SMYD3: variants seen among roughly 807,000 people sequenced by gnomAD.
SMYD3 encodes the protein histone-lysine N-methyltransferase SMYD3.
A neutral mutation model predicts 57.7 loss-of-function variants in SMYD3; 36 were observed. That is an observed-to-expected ratio of 0.62 (90% confidence interval 0.48 to 0.82). The LOEUF (loss-of-function observed/expected upper bound fraction) is 0.82, where lower values mean the gene tolerates loss of function less well. Ranked by LOEUF, SMYD3 falls within the 40% of genes least tolerant of loss-of-function variation. SMYD3 has a pLI of 0.00. For synonymous variants in SMYD3, 211 were observed against 195.0 expected, an observed-to-expected ratio of 1.08 and a Z score of -0.68; for missense variants, 515 against 538.8, an observed-to-expected ratio of 0.96 and a Z score of 0.44.
chr1:246,168,406 T>G (rs2062260141), intron 5 of SMYD3, among the ~76,000 whole-genome samples: 1 of 152,114 alleles, frequency 6.6e-6, no homozygotes, highest in African/African-American at 2.4e-5. Context: ...GGCCCCATAA[T>G]GAAAAGCACT....
chr1:246,001,061 T>G (rs1266586223), intron 5 of SMYD3, among the ~76,000 whole-genome samples: 1 of 152,170 alleles, frequency 6.6e-6, no homozygotes, highest in African/African-American at 2.4e-5. Context: ...TCTTACGAAA[T>G]GAGGCCGCTG....
chr1:245,808,983 G>A (rs1272397468), intron 10 of SMYD3, among the ~76,000 whole-genome samples: 1 of 152,090 alleles, frequency 6.6e-6, no homozygotes, highest in Admixed American at 6.6e-5. Context: ...GGCTGGTCTT[G>A]GACTCCTGAC....
chr1:246,378,232 G>A (rs574897965), intron 1 of SMYD3, among the ~76,000 whole-genome samples: 16 of 152,214 alleles, frequency 1.1e-4, no homozygotes, highest in African/African-American at 2.6e-4. Context: ...CTAGTGCCAC[G>A]TGGCCTGGAA....
intron 1 of SMYD3, among the ~76,000 whole-genome samples, chr1:246,450,849 C>T (rs539450866): frequency 5.3e-4 from 80 of 152,186 alleles, no homozygotes; most frequent in South Asian, 2.1e-3. Context: ...TTAATATAAA[C>T]GTATTTAAAT....
intron 1 of SMYD3, among the ~76,000 whole-genome samples, chr1:246,465,632 G>C (rs1389648925): frequency 2.6e-5 from 4 of 152,222 alleles, no homozygotes; most frequent in Middle Eastern, 6.8e-3. Context: ...AGGAGTACCA[G>C]ACCAGCACCA....
At chr1:246,134,903 TAC>T (rs2148082187) in intron 5 of SMYD3, among the ~76,000 whole-genome samples, 1 of 150,590 alleles carries the variant, frequency 6.6e-6, no homozygotes, top group South Asian at 2.1e-4. Flanking sequence ...AAACTAAAAT[TAC>T]ATCCCCAAGA....
At position 246,083,318 on chromosome 1, in the gene SMYD3, G is replaced by A. The variant is rs554730261; in HGVS notation, c.532-153381C>T. ...GCAATACTGCTCTTTAAGGCATTGA[G>A]ATGTTTATGTATATGCACATCAAAA... On this transcript the variant is annotated intron_variant, in intron 5 of 11. Transcript: ENST00000490107. 2.0e-4 allele frequency among the ~76,000 whole-genome samples: 31 copies of A among 152,288 alleles called. No homozygotes were observed. The East Asian group carries it at 5.0e-3, about 25-fold the overall frequency.
chr1:245,978,853 A>G (rs1054882401), intron 5 of SMYD3, among the ~76,000 whole-genome samples: 2 of 152,182 alleles, frequency 1.3e-5, no homozygotes, highest in African/African-American at 2.4e-5. Context: ...ATGGGGCTCA[A>G]TACTGAGAAG....
intron 10 of SMYD3, among the ~76,000 whole-genome samples, chr1:245,825,188 A>G (rs1169581143): frequency 4.0e-5 from 6 of 151,874 alleles, no homozygotes; most frequent in Admixed American, 2.0e-4. Flanking sequence ...AAATTCCACC[A>G]CCTCTCCCTG....
intron 8 of SMYD3, among the ~76,000 whole-genome samples, chr1:245,887,079 T>G (rs2053128162): frequency 6.6e-6 from 1 of 152,156 alleles, no homozygotes; most frequent in African/African-American, 2.4e-5. Context: ...TAAGACCTAC[T>G]GGGTGGCATT....
At chr1:245,929,233 A>G (rs1290860859) in intron 6 of SMYD3, among the ~76,000 whole-genome samples, 3 of 152,226 alleles carry the variant, frequency 2.0e-5, no homozygotes, top group Non-Finnish European at 4.4e-5. Context: ...AGTTAATGAC[A>G]ATTGTGAGAA....
At chr1:246,258,005 T>C (rs1238008644) in intron 5 of SMYD3, among the ~76,000 whole-genome samples, 1 of 152,168 alleles carries the variant, frequency 6.6e-6, no homozygotes, top group East Asian at 1.9e-4. Flanking sequence ...ATAAGTCAAT[T>C]GAACTTTTCT....
intron 10 of SMYD3, among the ~76,000 whole-genome samples, chr1:245,768,466 T>C (rs1406741689): frequency 1.3e-5 from 2 of 152,220 alleles, no homozygotes; most frequent in East Asian, 3.8e-4. Context: ...TGATCTCTAT[T>C]GGTCCTACGT....
intron 2 of SMYD3, among the ~76,000 whole-genome samples, chr1:246,338,303 T>G (rs1572396296): frequency 6.6e-6 from 1 of 152,254 alleles, no homozygotes. Context: ...GAAATCTTTT[T>G]ACGCAGCTCC....
At position 246,033,688 on chromosome 1, in the gene SMYD3, G is replaced by C. The variant is rs1178510244; in HGVS notation, c.532-103751C>G. ...TGTAATCTCACCTACTCGTGAGGCT[G>C]AGGCACGAGAATCGCTTGAACCCAG... is the stretch of plus-strand genomic sequence containing the variant. On this transcript the variant is annotated intron_variant, in intron 5 of 11. Transcript: ENST00000490107. Among the ~76,000 whole-genome samples the C allele has an allele frequency of 4.6e-5, 7 of 152,300 alleles. No individual in the cohort carries two copies. In the South Asian group the frequency reaches 1.4e-3, roughly 32 times the overall value.
chr1:246,437,840 A>G (rs922619339), intron 1 of SMYD3, among the ~76,000 whole-genome samples: 4 of 152,232 alleles, frequency 2.6e-5, no homozygotes, highest in East Asian at 1.9e-4. Flanking sequence ...CTGAAATGCA[A>G]TAATGCATGT....
intron 10 of SMYD3, among the ~76,000 whole-genome samples, chr1:245,775,701 T>C (rs1476928796): frequency 7.3e-6 from 1 of 137,512 alleles, no homozygotes; most frequent in African/African-American, 2.7e-5. Flanking sequence ...CACCCAAGAA[T>C]GATCAATAAA....
At chr1:246,220,257 G>A (rs1198573665) in intron 5 of SMYD3, among the ~76,000 whole-genome samples, 2 of 151,968 alleles carry the variant, frequency 1.3e-5, no homozygotes, top group Non-Finnish European at 2.9e-5. Flanking sequence ...CTGCAGTGAG[G>A]AGGAATGGCC....
chr1:246,374,213 G>A (rs1341281261), intron 1 of SMYD3, among the ~76,000 whole-genome samples: 4 of 152,138 alleles, frequency 2.6e-5, no homozygotes, highest in Admixed American at 2.6e-4. Flanking sequence ...CATGTGGCCC[G>A]GTTTTGGCTA....
Sources: allele counts gnomAD v4.1 joint callset (sites outside exome capture counted in the v4.1 genomes callset), GRCh38; gene constraint gnomAD v4.1.1; transcripts MANE v1.5; gene names NCBI Gene and HGNC (gene_info 2026-07-23, HGNC 2026-07-21).